Variants in SQOR observed in about 807,000 individuals in gnomAD.
SQOR encodes the protein sulfide:quinone oxidoreductase, mitochondrial.
A neutral mutation model predicts 48.6 loss-of-function variants in SQOR; 39 were observed. The observed-to-expected ratio is 0.80, with a 90% CI of 0.62 to 1.05. The LOEUF is 1.05. Among genes scored for constraint, SQOR ranks in the 50% least tolerant of loss-of-function variants. The pLI is 0.00. For synonymous variants in SQOR, 220 were observed against 206.2 expected (o/e 1.07, Z -0.57); for missense variants, 561 against 559.9 (o/e 1.00, Z -0.02).
intron 7 of SQOR, among the ~76,000 whole-genome samples, chr15:45,686,955 G>T (rs1890236195): frequency 6.6e-6 from 1 of 151,962 alleles, no homozygotes; most frequent in African/African-American, 2.4e-5. Flanking sequence ...AATTACAGGA[G>T]CGACACCACG....
At chr15:45,683,937 A>C in intron 7 of SQOR, among the ~76,000 whole-genome samples, 1 of 151,176 alleles carries the variant, frequency 6.6e-6, no homozygotes, top group East Asian at 1.9e-4. Context: ...GGGGGACAGA[A>C]TTTCACTCTT....
At chr15:45,683,001 T>C (rs1222413636) in intron 7 of SQOR, among the ~76,000 whole-genome samples, 1 of 139,066 alleles carries the variant, frequency 7.2e-6, no homozygotes, top group Non-Finnish European at 1.5e-5. Context: ...CTTTCCAGCC[T>C]GGGTGACAGA....
intron 5 of SQOR, 105 bp downstream of exon 5, chr15:45,673,906 A>G: frequency 1.8e-6 from 2 of 1,096,136 alleles, no homozygotes; most frequent in South Asian, 1.6e-5. Flanking sequence ...TTTATCTCGG[A>G]ATTTTTATTA....
At chr15:45,688,490 C>A in intron 8 of SQOR, 86 bp downstream of exon 8, 2 of 961,280 alleles carry the variant, frequency 2.1e-6, no homozygotes, top group Non-Finnish European at 3.0e-6. Context: ...TTTGCACTTT[C>A]TGTCTTTTCT....
At position 45,663,170 on chromosome 15, in the gene SQOR, A is replaced by G. The variant is rs372705361; in HGVS notation, c.405+1045A>G. Among the ~76,000 whole-genome samples, 8 of 152,216 alleles carry G rather than the reference A, an allele frequency of 5.3e-5. No individual in the cohort carries two copies. The East Asian group carries it at 1.4e-3, about 26-fold the overall frequency. On this transcript the variant is annotated intron_variant, in intron 3 of 9. Coordinates refer to ENST00000260324, the MANE Select transcript of SQOR (RefSeq NM_021199.4). Reference sequence around the variant, plus strand: ...GTAGCTGGGACTACAGGTGCGCATCACCATGCCTGGATAATTTTTGTATTT... The same window carrying G: ...GTAGCTGGGACTACAGGTGCGCATCGCCATGCCTGGATAATTTTTGTATTT...
intron 1 of SQOR, among the ~76,000 whole-genome samples, chr15:45,649,562 G>C (rs564730697): frequency 6.6e-6 from 1 of 151,864 alleles, no homozygotes; most frequent in Non-Finnish European, 1.5e-5. Flanking sequence ...TGCAACCTCC[G>C]CCTCCCTGGC....
At chr15:45,681,819 T>TA (rs1305433514) in intron 6 of SQOR, among the ~76,000 whole-genome samples, 3 of 152,198 alleles carry the variant, frequency 2.0e-5, no homozygotes, top group African/African-American at 2.4e-5. Flanking sequence ...GTAACCTTGA[T>TA]ACGGTGTTTT....
chr15:45,646,575 C>T (rs781326136), intron 1 of SQOR, among the ~76,000 whole-genome samples: 1 of 152,172 alleles, frequency 6.6e-6, no homozygotes, highest in African/African-American at 2.4e-5. Context: ...TAATATCTTG[C>T]TATTATTGAA....
intron 3 of SQOR, among the ~76,000 whole-genome samples, chr15:45,663,491 C>G (rs1299256333): frequency 6.6e-6 from 1 of 152,080 alleles, no homozygotes; most frequent in Non-Finnish European, 1.5e-5. Flanking sequence ...TTTGGCTGAG[C>G]ATGGTGGTTC....
intron 1 of SQOR, among the ~76,000 whole-genome samples, chr15:45,636,841 G>A (rs188984959): frequency 6.6e-5 from 10 of 152,222 alleles, no homozygotes; most frequent in East Asian, 1.9e-4. Flanking sequence ...TTAAATATCC[G>A]TAAAAATAAA....
intron 7 of SQOR, among the ~76,000 whole-genome samples, chr15:45,687,719 G>A (rs538813327): frequency 6.6e-6 from 1 of 151,204 alleles, no homozygotes; most frequent in African/African-American, 2.4e-5. Flanking sequence ...ATGTATGTAT[G>A]TATCTATCTG....
Position 45,658,962 on chromosome 15 carries a change from C to T in SQOR, c.39C>T (p.Ala13=). ...PLVAVVSGPR[A]QLFACLLRLG... ...TGGCTGTGGTATCAGGGCCCCGTGCCCAGCTCTTTGCCTGCCTGCTCAGGC... is the reference window on the plus strand; with the variant it reads ...TGGCTGTGGTATCAGGGCCCCGTGCTCAGCTCTTTGCCTGCCTGCTCAGGC... Residue 13 remains alanine (A), a synonymous_variant, in exon 2 of 10, where the codon GCC becomes GCT. Transcript: ENST00000260324. The T allele has an allele frequency of 1.9e-6, 3 of 1,586,080 alleles. No individual in the cohort carries two copies. Among genetic ancestry groups the T allele is most frequent in the Non-Finnish European group, 1.7e-6 (2 of 1,163,678 alleles).
chr15:45,684,013 G>A (rs540371860), intron 7 of SQOR, among the ~76,000 whole-genome samples: 23 of 152,020 alleles, frequency 1.5e-4, no homozygotes, highest in Non-Finnish European at 2.9e-4. Flanking sequence ...CCAGGTTCAA[G>A]CGATTCTCCT....
intron 6 of SQOR, among the ~76,000 whole-genome samples, chr15:45,680,875 C>T (rs1383213831): frequency 3.3e-5 from 5 of 152,054 alleles, no homozygotes; most frequent in Non-Finnish European, 7.4e-5. Flanking sequence ...ACATTAACTC[C>T]ACCGAGATGA....
At chr15:45,646,691 T>G (rs1448082262) in intron 1 of SQOR, among the ~76,000 whole-genome samples, 2 of 152,214 alleles carry the variant, frequency 1.3e-5, no homozygotes, top group Non-Finnish European at 2.9e-5. Context: ...AAGTTTTTAT[T>G]GTGTAAACTT....
chr15:45,677,053 A>G lies in SQOR; in HGVS notation c.864+743A>G, dbSNP rs181309633. Among the ~76,000 whole-genome samples the G allele has an allele frequency of 2.2e-3, 333 of 152,136 alleles. 2 individuals are homozygous for G. The highest frequency in any genetic ancestry group is 7.7e-3 in the African/African-American group (321 of 41,538). ...GAGACTCCGTCTAAAAAAAAAAAAA[A>G]AAAGAAATAATCTCAAACTTAGAGA... On this transcript the variant is annotated intron_variant, in intron 6 of 9. Coordinates refer to ENST00000260324, the MANE Select transcript of SQOR (RefSeq NM_021199.4).
chr15:45,654,275 C>T (rs1022781103), intron 1 of SQOR, among the ~76,000 whole-genome samples: 1 of 152,118 alleles, frequency 6.6e-6, no homozygotes, highest in African/African-American at 2.4e-5. Flanking sequence ...GGTGATGTTA[C>T]ATTGTTAGAA....
intron 7 of SQOR, among the ~76,000 whole-genome samples, chr15:45,685,962 C>A (rs1313245585): frequency 3.7e-5 from 5 of 134,504 alleles, no homozygotes; most frequent in African/African-American, 1.1e-4. Context: ...CTTCAACCCC[C>A]ACCCCCCCAC....
upstream of SQOR, among the ~76,000 whole-genome samples, chr15:45,632,966 G>A (rs1336569747): frequency 1.3e-5 from 2 of 151,446 alleles, no homozygotes; most frequent in African/African-American, 2.4e-5. Context: ...AATAAATTTA[G>A]AAAAAAATTA....
Sources: allele counts gnomAD v4.1 joint callset (sites outside exome capture counted in the v4.1 genomes callset), GRCh38; gene constraint gnomAD v4.1.1; transcripts MANE v1.5; gene names NCBI Gene and HGNC (gene_info 2026-07-23, HGNC 2026-07-21).